The following LMLN variants were observed in gnomAD, a reference collection of about 807,000 sequenced individuals.
The protein encoded by LMLN is leishmanolysin-like peptidase.
LMLN carries 70 observed loss-of-function variants against 92.3 expected under a neutral mutation model. The ratio of observed to expected loss-of-function variants is 0.76; its 90% CI spans 0.63 to 0.92. The LOEUF is 0.92. Ranked by LOEUF, LMLN falls within the 40% of genes least tolerant of loss-of-function variation. The probability of loss-of-function intolerance (pLI) is 0.00; values close to 1 mark genes in which losing one functional copy is unlikely to be tolerated. For synonymous variants in LMLN, 308 were observed against 296.2 expected (o/e 1.04, Z -0.41); for missense variants, 691 against 814.6 (o/e 0.85, Z 1.85).
chr3:198,024,693 C>T, exon 14 of LMLN: 42 of 1,610,072 alleles, frequency 2.6e-5, no homozygotes, highest in Non-Finnish European at 3.6e-5. Flanking sequence ...AAAGTATGGA[C>T]CTCATTCCGT....
exon 16 of LMLN, chr3:198,038,855 C>G (rs1305024195): frequency 2.0e-6 from 1 of 496,286 alleles, no homozygotes; most frequent in East Asian, 3.2e-5. Flanking sequence ...AGCAACCCAA[C>G]CACCTTCATC....
chr3:197,992,844 A>G (rs1213270583), intron 9 of LMLN, among the ~76,000 whole-genome samples: 1 of 152,188 alleles, frequency 6.6e-6, no homozygotes, highest in Non-Finnish European at 1.5e-5. Context: ...AGAAAATTAC[A>G]GGCTAATATT....
chr3:198,000,918 ATT>A (rs11308966), intron 11 of LMLN, among the ~76,000 whole-genome samples: 40 of 151,422 alleles, frequency 2.6e-4, no homozygotes, highest in African/African-American at 9.0e-4. Flanking sequence ...TATTTTTATT[ATT>A]TTTTTTTATT....
chr3:198,014,612 C>T (rs1216317197), intron 11 of LMLN, among the ~76,000 whole-genome samples: 2 of 112,566 alleles, frequency 1.8e-5, no homozygotes, highest in African/African-American at 3.9e-5. Flanking sequence ...TTCTCTCCAC[C>T]CTTCAGAGCC....
chr3:198,016,194 CAAAAAA>C (rs202075630), intron 11 of LMLN, among the ~76,000 whole-genome samples: 4 of 83,854 alleles, frequency 4.8e-5, no homozygotes, highest in Non-Finnish European at 9.7e-5. Context: ...GTTGCAAAAA[CAAAAAA>C]AAAAAAAAAA....
At chr3:197,969,037 G>A (rs931334122) in intron 1 of LMLN, among the ~76,000 whole-genome samples, 2 of 151,138 alleles carry the variant, frequency 1.3e-5, no homozygotes, top group Non-Finnish European at 2.9e-5. Flanking sequence ...AAAGTCTGTA[G>A]TGATATCTTC....
chr3:198,012,007 AT>A (rs1722456724), intron 11 of LMLN, among the ~76,000 whole-genome samples: 1 of 152,200 alleles, frequency 6.6e-6, no homozygotes, highest in African/African-American at 2.4e-5. Context: ...AGAATCTACA[AT>A]GAACTCAAAC....
rs549345831 is a variant in LMLN at position 197,985,776 on chromosome 3, T to C, written c.835-20T>C. 3.3e-5 allele frequency: 51 copies of C among 1,547,314 alleles called. No homozygotes were observed. Among genetic ancestry groups the C allele is most frequent in the Non-Finnish European group, 4.4e-5 (49 of 1,120,048 alleles). On this transcript the variant is annotated intron_variant, in intron 7 of 15. Coordinates refer to ENST00000330198, the Ensembl canonical transcript of LMLN. ...CCTTGATGTTTTTCACTTGAAGACA[T>C]TTTGAACTTTTTCTTACAGGGTTTC...
chr3:198,022,038 A>G (rs1722798140), intron 13 of LMLN, among the ~76,000 whole-genome samples: 1 of 152,192 alleles, frequency 6.6e-6, no homozygotes, highest in East Asian at 1.9e-4. Context: ...ATAGATACTA[A>G]GTGATATAGT....
At chr3:197,975,901 GACTA>G in intron 3 of LMLN, 124 bp from the exon 4 acceptor site, 4 of 583,706 alleles carry the variant, frequency 6.9e-6, no homozygotes, top group Non-Finnish European at 1.2e-5. Flanking sequence ...ATACAACCTT[GACTA>G]ACTAATATCT....
intron 1 of LMLN, among the ~76,000 whole-genome samples, chr3:197,968,143 T>G (rs1721111725): frequency 6.6e-6 from 1 of 152,054 alleles, no homozygotes; most frequent in African/African-American, 2.4e-5. Context: ...ATAACAAGAT[T>G]AAGAGATTAA....
In LMLN at chr3:198,006,802, T is replaced by C. The variant is rs571477489; in HGVS notation, c.1232+7460T>C. On this transcript the variant is annotated intron_variant, in intron 11 of 15. Coordinates refer to ENST00000330198, the Ensembl canonical transcript of LMLN. ...ATCTTGGCTCACTGTAACCTCTGCC[T>C]CCCAGGTTCAAGCAATTCTTTTGCC... Among the ~76,000 whole-genome samples, 112 of 152,206 alleles carry C rather than the reference T, an allele frequency of 7.4e-4. 1 individual carries two copies. The highest frequency in any genetic ancestry group is 2.6e-3 in the African/African-American group (109 of 41,526).
At chr3:198,016,919 G>A (rs1722656406) in intron 11 of LMLN, among the ~76,000 whole-genome samples, 1 of 152,058 alleles carries the variant, frequency 6.6e-6, no homozygotes, top group Admixed American at 6.6e-5. Context: ...ACAGCAAGAG[G>A]CAAAACAAAT....
chr3:198,014,662 C>T (rs1301223447), intron 11 of LMLN, among the ~76,000 whole-genome samples: 2 of 143,252 alleles, frequency 1.4e-5, no homozygotes, highest in Non-Finnish European at 3.1e-5. Flanking sequence ...TCAGAGTCCC[C>T]TTAACTAGTC....
chr3:197,976,622 C>T (rs765740529), exon 5 of LMLN: 2 of 1,597,622 alleles, frequency 1.3e-6, no homozygotes, highest in Non-Finnish European at 1.7e-6. Context: ...ACCAATACCT[C>T]CGGAAGGAAA....
chr3:197,972,175 C>T (rs1031123026), intron 1 of LMLN, among the ~76,000 whole-genome samples: 3 of 151,782 alleles, frequency 2.0e-5, no homozygotes, highest in African/African-American at 7.3e-5. Flanking sequence ...AGCAGTTCTC[C>T]TGCCTCAGCC....
intron 11 of LMLN, among the ~76,000 whole-genome samples, chr3:198,011,344 A>T (rs940819829): frequency 6.6e-6 from 1 of 151,814 alleles, no homozygotes; most frequent in Non-Finnish European, 1.5e-5. Context: ...TCATTGTTCA[A>T]TTCCCACCTA....
At chr3:198,007,568 A>G (rs537555385) in intron 11 of LMLN, among the ~76,000 whole-genome samples, 2 of 152,352 alleles carry the variant, frequency 1.3e-5, no homozygotes, top group Admixed American at 6.5e-5. Flanking sequence ...GCCTTCACCA[A>G]TAACACACAG....
At chr3:198,005,773 T>C (rs1374985011) in intron 11 of LMLN, among the ~76,000 whole-genome samples, 1 of 152,098 alleles carries the variant, frequency 6.6e-6, no homozygotes. Flanking sequence ...TAGCTGTGAT[T>C]ATAGGCGTGC....
Sources: allele counts gnomAD v4.1 joint callset (sites outside exome capture counted in the v4.1 genomes callset), GRCh38; gene constraint gnomAD v4.1.1; transcripts MANE v1.5; gene names NCBI Gene and HGNC (gene_info 2026-07-23, HGNC 2026-07-21).